The following PWWP2A variants were observed in gnomAD, a reference collection of about 807,000 sequenced individuals.
The protein encoded by PWWP2A is PWWP domain-containing protein 2A.
In PWWP2A, 18 loss-of-function variants were observed where a neutral mutation model predicts 48.5. The ratio of observed to expected loss-of-function variants is 0.37; its 90% CI spans 0.26 to 0.55. The LOEUF (loss-of-function observed/expected upper bound fraction) is 0.55. Among genes scored for constraint, PWWP2A ranks in the 20% least tolerant of loss-of-function variants. The probability of loss-of-function intolerance (pLI) is 0.81; values close to 1 mark genes in which losing one functional copy is unlikely to be tolerated. For missense variants in PWWP2A, 867 were observed against 976.4 expected (o/e 0.89, Z 1.49); for synonymous variants, 396 against 387.7 (o/e 1.02, Z -0.25).
At chr5:160,080,850 T>A in intron 2 of PWWP2A, 1 of 1,316,736 alleles carries the variant, frequency 7.6e-7, no homozygotes, top group Non-Finnish European at 1.0e-6. Context: ...AAAATAGTTT[T>A]AAAATAAGAC....
intron 2 of PWWP2A, among the ~76,000 whole-genome samples, chr5:160,070,221 CT>C: frequency 6.6e-6 from 1 of 152,266 alleles, no homozygotes; most frequent in African/African-American, 2.4e-5. Context: ...AATCCCAACA[CT>C]TTGGGAGGCA....
In PWWP2A at chr5:160,110,003, ATTAATT is replaced by A. The variant is rs1327721700; in HGVS notation, c.584+8796_584+8801del. On this transcript the variant is annotated intron_variant, in intron 1 of 1. Transcript: ENST00000307063. ...TTTGAAAACTGAACAGTCTTGAGCT[ATTAATT>A]TTGACAGTCCTTTTTTTTTTTCTTT... Among the ~76,000 whole-genome samples the A allele has an allele frequency of 5.3e-5, 8 of 150,750 alleles. No homozygotes were observed. In the East Asian group the frequency reaches 1.6e-3, roughly 29 times the overall value.
At chr5:160,049,384 C>T in the PWWP2A span, 2 of 799,912 alleles carry the variant, frequency 2.5e-6, no homozygotes, top group Admixed American at 7.5e-5. Flanking sequence ...TTTCCAGCAT[C>T]AGGTATACAC....
Position 160,094,077 on chromosome 5 carries a change from A to G in PWWP2A, c.585-12T>C, listed in dbSNP as rs1755363942. ...CATGGGGCCCAAACCTTTGAAAGAA[A>G]TGGAAGAAAAAAAGAAGACATTAAG... On this transcript the variant is annotated splice_polypyrimidine_tract_variant and intron_variant, in intron 1 of 1. Transcript: ENST00000307063. The G allele has an allele frequency of 6.4e-7, 1 of 1,565,150 alleles. No homozygotes were observed. The highest frequency in any genetic ancestry group is 1.4e-5 in the African/African-American group (1 of 72,882).
At chr5:160,057,237 C>T (rs539683123), downstream of PWWP2A, among the ~76,000 whole-genome samples, 4 of 152,268 alleles carry the variant, frequency 2.6e-5, no homozygotes, top group South Asian at 8.3e-4. The surrounding 1 kb of genome is among the most constrained non-coding windows in gnomAD (Gnocchi z 4.4). Flanking sequence ...CTTCTTTCAG[C>T]CCTCGAATTT....
At chr5:160,118,422 C>T (rs114738661) in intron 1 of PWWP2A, among the ~76,000 whole-genome samples, 1 of 150,958 alleles carries the variant, frequency 6.6e-6, no homozygotes, top group Non-Finnish European at 1.5e-5. Flanking sequence ...TGCCCCCCGC[C>T]CCCCCGTCCC....
At chr5:160,066,295 C>CGTTTTTTTTTTT (rs748083955) in intron 4 of PWWP2A, among the ~76,000 whole-genome samples, 2 of 57,954 alleles carry the variant, frequency 3.5e-5, no homozygotes, top group Admixed American at 1.7e-4. Context: ...AAGTGGTTCT[C>CGTTTTTTTTTTT]ATTTTTTTTT....
chr5:160,106,358 C>T (rs1273609031), intron 1 of PWWP2A, among the ~76,000 whole-genome samples: 1 of 152,152 alleles, frequency 6.6e-6, no homozygotes, highest in Admixed American at 6.5e-5. Context: ...ATAGAATTTA[C>T]TTCAGCAGAT....
At position 160,062,984 on chromosome 5, in the gene PWWP2A, C is replaced by T. The variant is rs77257262; in HGVS notation, c.*368+558G>A. Among the ~76,000 whole-genome samples, 6 of 152,272 alleles carry T rather than the reference C, an allele frequency of 3.9e-5. No homozygotes were observed. The East Asian group carries it at 7.7e-4, about 20-fold the overall frequency. ...GCTGTGCCGCTGCCTTGTGCAGGCA[C>T]CCAGGGTTTATGCCAGTGATTTCCT... On this transcript the variant is annotated intron_variant and NMD_transcript_variant, in intron 5 of 5. Transcript: ENST00000524050.
chr5:160,072,992 G>A (rs1446725118), downstream of PWWP2A, among the ~76,000 whole-genome samples: 8 of 110,206 alleles, frequency 7.3e-5, no homozygotes, highest in African/African-American at 2.3e-4. Context: ...CAACAAGAGC[G>A]AGGCTCCGTC....
At chr5:160,103,082 G>A (rs558132541) in intron 1 of PWWP2A, among the ~76,000 whole-genome samples, 45 of 152,268 alleles carry the variant, frequency 3.0e-4, no homozygotes, top group African/African-American at 1.1e-3. Context: ...GGAGAATGAT[G>A]TCTTCAACTC....
At chr5:160,053,352 G>A in the PWWP2A span, among the ~76,000 whole-genome samples, 1 of 152,112 alleles carries the variant, frequency 6.6e-6, no homozygotes, top group African/African-American at 2.4e-5. Flanking sequence ...CAGCAATTTG[G>A]GAGGCTGAGC....
intron 1 of PWWP2A, among the ~76,000 whole-genome samples, chr5:160,115,395 A>AAAG (rs1221155854): frequency 2.0e-5 from 3 of 151,918 alleles, no homozygotes; most frequent in African/African-American, 7.3e-5. Context: ...CATCTCTACA[A>AAAG]AAGATACAAA....
chr5:160,101,234 C>G (rs1756249487), intron 1 of PWWP2A, among the ~76,000 whole-genome samples: 1 of 152,110 alleles, frequency 6.6e-6, no homozygotes, highest in African/African-American at 2.4e-5. Context: ...CCTGTAATCC[C>G]AGCTACTGGG....
the PWWP2A span, among the ~76,000 whole-genome samples, chr5:160,050,853 T>C: frequency 6.6e-6 from 1 of 152,082 alleles, no homozygotes; most frequent in Admixed American, 6.5e-5. Flanking sequence ...CTCAAACTCC[T>C]GAGCTCAAGC....
At chr5:160,081,109 A>T (rs1284469125) in intron 2 of PWWP2A, among the ~76,000 whole-genome samples, 2 of 152,194 alleles carry the variant, frequency 1.3e-5, no homozygotes, top group African/African-American at 4.8e-5. Flanking sequence ...GATGTTCCTA[A>T]CAAAAAATGT....
At chr5:160,094,153 T>C in intron 1 of PWWP2A, 88 bp from the exon 2 acceptor site, 1 of 1,351,986 alleles carries the variant, frequency 7.4e-7, no homozygotes, top group Non-Finnish European at 9.7e-7. Context: ...TGATGCTTAT[T>C]TATATAACCT....
At chr5:160,051,700 T>G in the PWWP2A span, among the ~76,000 whole-genome samples, 1 of 152,254 alleles carries the variant, frequency 6.6e-6, no homozygotes, top group South Asian at 2.1e-4. Context: ...ATGGATTCAT[T>G]TGATCCATGT....
chr5:160,111,866 C>A (rs1228882482), intron 1 of PWWP2A, among the ~76,000 whole-genome samples: 5 of 151,920 alleles, frequency 3.3e-5, no homozygotes, highest in African/African-American at 1.2e-4. Flanking sequence ...GGGTATAAAA[C>A]AACAGTGGCC....
Sources: gnomAD v4.1 joint callset for allele counts (sites outside exome capture counted in the v4.1 genomes callset) on GRCh38, gnomAD v4.1.1 for gene constraint, Gnocchi (gnomAD v3.1) non-coding constraint, MANE v1.5 for transcripts, NCBI Gene and HGNC (gene_info 2026-07-23, HGNC 2026-07-21) for gene names.